Variants in ZIM2 observed in about 807,000 individuals in gnomAD.
ZIM2 encodes zinc finger protein 656.
ZIM2 carries 14 observed loss-of-function variants against 38.6 expected under a neutral mutation model. The ratio of observed to expected loss-of-function variants is 0.36; its 90% CI spans 0.24 to 0.57. The LOEUF (loss-of-function observed/expected upper bound fraction) is 0.57. Among genes scored for constraint, ZIM2 ranks in the 20% least tolerant of loss-of-function variants. ZIM2 has a pLI of 0.81. For synonymous variants in ZIM2, 247 were observed against 245.8 expected (o/e 1.00, Z -0.04); for missense variants, 680 against 695.1 (o/e 0.98, Z 0.24).
chr19:56,824,455 G>C (rs779546760), intron 3 of ZIM2, 28 bp from the exon 4 acceptor site: 23 of 1,614,008 alleles, frequency 1.4e-5, no homozygotes, highest in Admixed American at 5.0e-5. Context: ...AGAGGTTTCG[G>C]AGTTTGATCA....
Position 56,822,785 on chromosome 19 carries a change from T to A in ZIM2, c.158A>T (p.Asp53Val), listed in dbSNP as rs201053404. The A allele has an allele frequency of 1.1e-5, 17 of 1,614,134 alleles. No individual in the cohort carries two copies. ...RGRSRDMEPR[D>V]RWSHTRNPRS... is the part of the protein sequence containing the mutation. ...TGGGTTCCTGGTGTGGGACCAGCGGTCTCGTGGCTCCATGTCTCTGCTTCT... is the reference window on the plus strand; with the variant it reads ...TGGGTTCCTGGTGTGGGACCAGCGGACTCGTGGCTCCATGTCTCTGCTTCT... The change falls in exon 6 of 13, where the codon GAC (aspartate) becomes GTC (valine). Residue 53 changes from aspartate (D) to valine (V), a missense_variant. Physicochemically the swap from Asp to Val is radical, Grantham distance 152. Coordinates refer to ENST00000629319, the MANE Select transcript of ZIM2 (RefSeq NM_001387356.1).
rs77489476 is a variant in ZIM2, at chr19:56,796,867, G to A, written c.491-6916C>T. 1.2e-3 allele frequency among the ~76,000 whole-genome samples: 181 copies of A among 152,332 alleles called. 2 individuals are homozygous for A. The East Asian group carries it at 0.033, about 28-fold the overall frequency. On this transcript the variant is annotated intron_variant, in intron 9 of 12. Coordinates refer to ENST00000629319, the MANE Select transcript of ZIM2 (RefSeq NM_001387356.1). ...AGAAGCTATTCCATTACAGAGTAGG[G>A]TGTCGTCAGAAAGCAAGCAGACAAA...
chr19:56,787,071 G>A (rs1260433488), intron 10 of ZIM2, among the ~76,000 whole-genome samples: 1 of 151,926 alleles, frequency 6.6e-6, no homozygotes, highest in Non-Finnish European at 1.5e-5. Context: ...CCTGACCTAA[G>A]GTGATCCGCC....
chr19:56,829,083 G>T (rs1442522887), intron 2 of ZIM2, among the ~76,000 whole-genome samples: 1 of 152,132 alleles, frequency 6.6e-6, no homozygotes, highest in Non-Finnish European at 1.5e-5. Context: ...GGGCGCAGTG[G>T]CTCACGCCTG....
chr19:56,801,589 A>G (rs548167677), intron 9 of ZIM2, among the ~76,000 whole-genome samples: 1 of 152,246 alleles, frequency 6.6e-6, no homozygotes, highest in South Asian at 2.1e-4. Context: ...ATAGTTTCAG[A>G]CCCATGACCT....
intron 2 of ZIM2, among the ~76,000 whole-genome samples, chr19:56,828,840 G>A (rs1290502369): frequency 1.3e-5 from 2 of 151,900 alleles, no homozygotes; most frequent in Non-Finnish European, 2.9e-5. Context: ...AACCTTTTTT[G>A]ACCTGTCGAA....
At position 56,782,128 on chromosome 19, in the gene ZIM2, CAG is replaced by C; in HGVS notation, c.571-9_571-8del. Reference sequence around the variant, plus strand: ...AGTGTTTGAAGTCCGGGAACTATCCCAGAGAGAGGAGAAGGGACGTGATTAGA... The same window carrying C: ...AGTGTTTGAAGTCCGGGAACTATCCCAGAGAGGAGAAGGGACGTGATTAGA... On this transcript the variant is annotated splice_region_variant and splice_polypyrimidine_tract_variant and intron_variant, in intron 10 of 12. Transcript: ENST00000629319. 3.1e-6 allele frequency: 5 copies of C among 1,612,714 alleles called. No individual in the cohort carries two copies. The highest frequency in any genetic ancestry group is 4.2e-6 in the Non-Finnish European group (5 of 1,179,092).
intron 2 of ZIM2, among the ~76,000 whole-genome samples, chr19:56,828,438 A>C (rs1422129988): frequency 6.6e-6 from 1 of 152,154 alleles, no homozygotes; most frequent in East Asian, 1.9e-4. Flanking sequence ...CCATCTGCCC[A>C]TGTGCACAAA....
intron 9 of ZIM2, among the ~76,000 whole-genome samples, chr19:56,804,174 T>C (rs1210479802): frequency 1.3e-5 from 2 of 152,306 alleles, no homozygotes; most frequent in African/African-American, 4.8e-5. Flanking sequence ...AGTTCCAAGG[T>C]AGATGTCCAG....
chr19:56,835,591 T>C (rs2062012016), intron 2 of ZIM2, among the ~76,000 whole-genome samples: 1 of 152,188 alleles, frequency 6.6e-6, no homozygotes, highest in Non-Finnish European at 1.5e-5. Flanking sequence ...AAAGTATAAA[T>C]CAAACAATTA....
intron 9 of ZIM2, chr19:56,813,384 C>G: frequency 8.4e-7 from 1 of 1,192,048 alleles, no homozygotes. Flanking sequence ...TTTGGGCAAA[C>G]TCTGTAGTCT....
chr19:56,775,874 G>A (rs1406876515), intron 12 of ZIM2, among the ~76,000 whole-genome samples: 1 of 152,006 alleles, frequency 6.6e-6, no homozygotes, highest in African/African-American at 2.4e-5. Flanking sequence ...GGCCGAGATG[G>A]GCGGATCACA....
chr19:56,809,609 G>A (rs1009096217), intron 9 of ZIM2, among the ~76,000 whole-genome samples: 1 of 152,278 alleles, frequency 6.6e-6, no homozygotes, highest in African/African-American at 2.4e-5. Context: ...TTAAAGTATG[G>A]TTAATGAACT....
intron 9 of ZIM2, among the ~76,000 whole-genome samples, chr19:56,804,635 A>G (rs1161688830): frequency 6.6e-6 from 1 of 152,224 alleles, no homozygotes; most frequent in Non-Finnish European, 1.5e-5. Flanking sequence ...GAGACAAGAA[A>G]GCTTCACTAA....
At chr19:56,840,408 G>A (rs189904256) in intron 1 of ZIM2, among the ~76,000 whole-genome samples, 174 bp downstream of exon 1, 294 of 152,284 alleles carry the variant, frequency 1.9e-3, no homozygotes, top group African/African-American at 6.9e-3. Context: ...GCCCACTCTC[G>A]GACTGGGCAG....
intron 9 of ZIM2, chr19:56,813,380 CA>C (rs1461381370): frequency 1.4e-5 from 17 of 1,180,416 alleles, no homozygotes; most frequent in Non-Finnish European, 1.8e-5. Flanking sequence ...TTGATTTGGG[CA>C]AACTCTGTAG....
intron 9 of ZIM2, among the ~76,000 whole-genome samples, chr19:56,793,719 GA>G (rs1954691588): frequency 6.6e-6 from 1 of 152,042 alleles, no homozygotes; most frequent in Non-Finnish European, 1.5e-5. Flanking sequence ...ACCAAGTGTT[GA>G]CAAGGATAAT....
chr19:56,830,607 G>T (rs750245530), intron 2 of ZIM2, among the ~76,000 whole-genome samples: 3 of 152,124 alleles, frequency 2.0e-5, no homozygotes, highest in Non-Finnish European at 4.4e-5. Flanking sequence ...TGAAGAAAAA[G>T]AAAAGTATAA....
intron 9 of ZIM2, chr19:56,811,563 C>T (rs1443061236): frequency 4.1e-6 from 4 of 985,220 alleles, no homozygotes; most frequent in Non-Finnish European, 4.8e-6. Flanking sequence ...AACGGACACC[C>T]TGACTTACAG....
Sources: gnomAD v4.1 joint callset for allele counts (sites outside exome capture counted in the v4.1 genomes callset) on GRCh38, gnomAD v4.1.1 for gene constraint, MANE v1.5 for transcripts, NCBI Gene and HGNC (gene_info 2026-07-23, HGNC 2026-07-21) for gene names.